Variants in ADK observed in about 807,000 individuals in gnomAD.
The protein encoded by ADK is N6,N6-dimethyladenosine kinase.
Under a neutral mutation model 44.7 loss-of-function variants are expected in ADK, and 24 were observed. The observed-to-expected ratio is 0.54, with a 90% CI of 0.39 to 0.76. ADK has a LOEUF of 0.76. Ranked by LOEUF, ADK falls within the 30% of genes least tolerant of loss-of-function variation. The pLI is 0.00. For missense variants in ADK, 321 were observed against 425.1 expected (o/e 0.76, Z 2.15); for synonymous variants, 128 against 142.6 (o/e 0.90, Z 0.73).
chr10:74,521,041 T>C (rs1256999950), intron 6 of ADK, among the ~76,000 whole-genome samples: 1 of 152,124 alleles, frequency 6.6e-6, no homozygotes. Context: ...AAACCTTACA[T>C]GTAGAAAAAA....
intron 10 of ADK, among the ~76,000 whole-genome samples, chr10:74,702,752 T>C (rs1856479782): frequency 6.6e-6 from 1 of 151,640 alleles, no homozygotes; most frequent in South Asian, 2.1e-4. Context: ...GCAAGTGCCA[T>C]AACACCTGGC....
intron 6 of ADK, among the ~76,000 whole-genome samples, chr10:74,409,280 C>A (rs1359513857): frequency 6.6e-6 from 1 of 152,080 alleles, no homozygotes; most frequent in Admixed American, 6.5e-5. Context: ...GAACTAATCA[C>A]CATGCAAGTT....
rs2132017017 is a variant in ADK, at chr10:74,151,222, C to G, written c.-57C>G. 6.5e-7 allele frequency: 1 copy of G among 1,535,516 alleles called. No individual in the cohort carries two copies. The highest frequency in any genetic ancestry group is 1.2e-5 in the South Asian group (1 of 83,668). The stretch of plus-strand genomic sequence containing the variant: ...GCGGTGATGCGAAGAGGGGGCGGGA[C>G]CAGAGAGTGGATGGCAGAGGTGGGC... On this transcript the variant is annotated 5_prime_UTR_variant, in exon 1 of 11. Coordinates refer to ENST00000539909, the MANE Select transcript of ADK (RefSeq NM_006721.4).
chr10:74,382,960 C>T (rs990054096), intron 4 of ADK, among the ~76,000 whole-genome samples: 1 of 151,714 alleles, frequency 6.6e-6, no homozygotes, highest in Admixed American at 6.6e-5. Flanking sequence ...ATTTTCCCCC[C>T]CTCCTCTCAC....
intron 6 of ADK, among the ~76,000 whole-genome samples, chr10:74,408,966 A>G (rs1163003085): frequency 6.6e-6 from 1 of 152,178 alleles, no homozygotes; most frequent in African/African-American, 2.4e-5. Context: ...TTGTAATCTT[A>G]AATTCATCTT....
chr10:74,247,749 T>C (rs1248525966), intron 3 of ADK, among the ~76,000 whole-genome samples: 1 of 152,174 alleles, frequency 6.6e-6, no homozygotes, highest in Non-Finnish European at 1.5e-5. Flanking sequence ...CAGTGTAACC[T>C]TAGCGTCAGA....
chr10:74,687,433 C>G (rs1008614810), intron 10 of ADK, among the ~76,000 whole-genome samples: 1 of 152,220 alleles, frequency 6.6e-6, no homozygotes, highest in Admixed American at 6.5e-5. Context: ...CTAGGAGAAC[C>G]ATAAGTTGTT....
chr10:74,496,477 G>GA (rs1847691724), intron 6 of ADK, among the ~76,000 whole-genome samples: 1 of 152,200 alleles, frequency 6.6e-6, no homozygotes, highest in South Asian at 2.1e-4. Flanking sequence ...GCCACCTTGT[G>GA]AAGAGGTACC....
chr10:74,232,192 C>T lies in ADK; in HGVS notation c.194+7601C>T, dbSNP rs574027882. 6.6e-5 allele frequency among the ~76,000 whole-genome samples: 10 copies of T among 152,060 alleles called. No homozygotes were observed. The East Asian group carries it at 9.7e-4, about 15-fold the overall frequency. ...TTTTTATACCTGGATTATAAAACTT[C>T]GGAAAGATTTGCTTAAATATTTTGT... On this transcript the variant is annotated intron_variant, in intron 3 of 10. Transcript: ENST00000539909.
chr10:74,286,431 G>A (rs552334496), intron 3 of ADK, among the ~76,000 whole-genome samples: 1 of 152,306 alleles, frequency 6.6e-6, no homozygotes, highest in African/African-American at 2.4e-5. Flanking sequence ...GAGTGCTCAA[G>A]GGCCCAGGCA....
At chr10:74,187,121 T>G (rs1013701164) in intron 1 of ADK, among the ~76,000 whole-genome samples, 3 of 152,174 alleles carry the variant, frequency 2.0e-5, no homozygotes, top group Non-Finnish European at 4.4e-5. Context: ...TTTTAAAATT[T>G]AGGCATTCTC....
intron 2 of ADK, among the ~76,000 whole-genome samples, chr10:74,203,168 G>A (rs575408205): frequency 1.3e-5 from 2 of 152,206 alleles, no homozygotes; most frequent in African/African-American, 4.8e-5. Flanking sequence ...TTTGTGTGTG[G>A]AAATCCAATT....
chr10:74,312,873 C>T (rs1490490815), intron 3 of ADK, among the ~76,000 whole-genome samples: 2 of 120,162 alleles, frequency 1.7e-5, no homozygotes, highest in Non-Finnish European at 3.2e-5. Context: ...ATGTTTGCAC[C>T]ACTGCACTCC....
chr10:74,612,097 A>T (rs557914615), intron 9 of ADK, among the ~76,000 whole-genome samples: 1 of 152,134 alleles, frequency 6.6e-6, no homozygotes, highest in East Asian at 1.9e-4. Flanking sequence ...CACCAACAGT[A>T]TGTGTTTCCT....
chr10:74,225,616 T>C (rs958957737), intron 3 of ADK, among the ~76,000 whole-genome samples: 4 of 152,230 alleles, frequency 2.6e-5, no homozygotes, highest in African/African-American at 9.6e-5. Context: ...ACATAAATTG[T>C]TAATTATAAA....
intron 4 of ADK, among the ~76,000 whole-genome samples, chr10:74,345,021 G>A (rs1048635683): frequency 6.6e-6 from 1 of 152,226 alleles, no homozygotes; most frequent in African/African-American, 2.4e-5. Flanking sequence ...AAGCATTGCA[G>A]CCGCTTTATC....
chr10:74,184,024 C>T (rs1337820846), intron 1 of ADK, among the ~76,000 whole-genome samples: 4 of 152,002 alleles, frequency 2.6e-5, no homozygotes, highest in Admixed American at 2.6e-4. Flanking sequence ...TCAAGCAATT[C>T]TCCCTGCCTC....
chr10:74,274,759 TTA>T (rs1371778347), intron 3 of ADK, among the ~76,000 whole-genome samples: 1 of 132,990 alleles, frequency 7.5e-6, no homozygotes, highest in Non-Finnish European at 1.6e-5. Context: ...CACACACACA[TTA>T]TATATATATA....
chr10:74,705,570 TG>T (rs1431285909), intron 10 of ADK, among the ~76,000 whole-genome samples: 1 of 152,234 alleles, frequency 6.6e-6, no homozygotes, highest in Non-Finnish European at 1.5e-5. Context: ...GTTTCCAGTT[TG>T]GGGCTATTAC....
Sources: gnomAD v4.1 joint callset for allele counts (sites outside exome capture counted in the v4.1 genomes callset) on GRCh38, gnomAD v4.1.1 for gene constraint, MANE v1.5 for transcripts, NCBI Gene and HGNC (gene_info 2026-07-23, HGNC 2026-07-21) for gene names.